RUFY2: variants seen among roughly 807,000 people sequenced by gnomAD.
RUFY2 encodes the protein RUN and FYVE domain containing 2, also known as RUN and FYVE domain-containing protein 2.
A neutral mutation model predicts 94.4 loss-of-function variants in RUFY2; 49 were observed. The ratio of observed to expected loss-of-function variants is 0.52; its 90% CI spans 0.41 to 0.66. The LOEUF is 0.66. RUFY2 is among the 30% of genes least tolerant of loss of function. RUFY2 has a pLI of 0.00. For synonymous variants in RUFY2, 255 were observed against 235.7 expected (o/e 1.08, Z -0.75); for missense variants, 541 against 692.8 (o/e 0.78, Z 2.46).
At chr10:68,381,101 A>G (rs1589905600) in intron 11 of RUFY2, 131 bp downstream of exon 11, 6 of 502,258 alleles carry the variant, frequency 1.2e-5, no homozygotes, top group East Asian at 1.0e-4. Flanking sequence ...TTTCATTTAG[A>G]AAAAAAAAGA....
In RUFY2 at chr10:68,345,845, A is replaced by G; in HGVS notation, c.1744T>C (p.Ser582Pro). The change falls in exon 18 of 18, where the codon TCT (serine) becomes CCT (proline). Residue 582 changes from serine to proline, a missense_variant. Physicochemically the swap from Ser to Pro is moderately conservative, Grantham distance 74. Coordinates refer to ENST00000602465, the MANE Select transcript of RUFY2 (RefSeq NM_001330103.2). ...CAAACCCGTACTGGTTTTGGTGAAG[A>G]AGGCAAAGGTAGTTCGTTGTCAGAG... ...ACSDNELPLP[S>P]SPKPVRVCDS... 1 of 1,614,142 alleles carries G rather than the reference A, an allele frequency of 6.2e-7. No individual in the cohort carries two copies. The highest frequency in any genetic ancestry group is 8.5e-7 in the Non-Finnish European group (1 of 1,179,980).
intron 11 of RUFY2, 63 bp downstream of exon 11, chr10:68,381,169 A>C: frequency 7.1e-7 from 1 of 1,412,568 alleles, no homozygotes. Flanking sequence ...CTTAAAAACC[A>C]AAACCTTTCT....
chr10:68,394,981 T>C (rs892984018), intron 4 of RUFY2, among the ~76,000 whole-genome samples: 13 of 151,358 alleles, frequency 8.6e-5, no homozygotes, highest in African/African-American at 2.9e-4. Context: ...TCAAAAGGAC[T>C]GAAGGAGATA....
chr10:68,341,445 G>C, downstream of RUFY2: 1 of 1,037,796 alleles, frequency 9.6e-7, no homozygotes, highest in Non-Finnish European at 1.4e-6. Context: ...CTTTCTGTGG[G>C]CTTTATATAT....
Position 68,364,036 on chromosome 10 carries a change from T to C in RUFY2, c.1403A>G (p.Asp468Gly), listed in dbSNP as rs2132491754. The change falls in exon 14 of 18, where the codon GAT becomes GGT. Residue 468 changes from aspartate (D) to glycine (G), a missense_variant. This residue lies in a region of RUFY2 where 403 missense variants were observed against 480.7 expected (regional missense o/e 0.84). Transcript: ENST00000602465. ...CTCATTTCTAAGATGAGATAAGGCA[T>C]CTTTCTCCTTTTGAAGATCTTCCTG... ...TLQEDLQKEKDALSHLRNETQ... is the reference protein window; with the variant it reads ...TLQEDLQKEKGALSHLRNETQ... The C allele has an allele frequency of 6.2e-7, 1 of 1,611,542 alleles. No individual in the cohort carries two copies. The highest frequency in any genetic ancestry group is 8.5e-7 in the Non-Finnish European group (1 of 1,177,894).
In RUFY2 at chr10:68,376,821, C is replaced by A. The variant is rs1319482917; in HGVS notation, c.1325+32G>T. The stretch of plus-strand genomic sequence containing the variant: ...AAAAAATGAGGGGGTTATGTTAACA[C>A]AAGTATTTGTTTCTGAGAGTGAAAT... On this transcript the variant is annotated intron_variant, in intron 13 of 17. Transcript: ENST00000602465. 2.5e-6 allele frequency: 4 copies of A among 1,597,710 alleles called. No homozygotes were observed. The East Asian group carries it at 9.0e-5, about 36-fold the overall frequency.
At chr10:68,381,791 T>A (rs1017548308) in intron 10 of RUFY2, among the ~76,000 whole-genome samples, 3 of 152,202 alleles carry the variant, frequency 2.0e-5, no homozygotes, top group Non-Finnish European at 2.9e-5. Flanking sequence ...AAGGTTGCAG[T>A]GAGCTGAAAT....
rs377600173 is a variant in RUFY2, at chr10:68,398,126, C to CAAA, written c.297-1248_297-1246dup. 4.9e-4 allele frequency among the ~76,000 whole-genome samples: 32 copies of CAAA among 65,000 alleles called. 1 individual carries two copies. Among genetic ancestry groups the CAAA allele is most frequent in the African/African-American group, 1.3e-3 (28 of 21,886 alleles). The allele number at this position is 65,000 out of a possible 152,430, so 42.6% of individuals were successfully genotyped here. A position where few individuals can be genotyped will look rare whatever the true frequency, so the allele number is the denominator to read the frequency against. On this transcript the variant is annotated intron_variant, in intron 3 of 17. Transcript: ENST00000602465. ...TGGGCAACAAGGTAAGATTTGTTCT[C>CAAA]AAAAAAAAAAAAAAAAAAAAAAAAT...
In RUFY2 at chr10:68,345,306, T is replaced by C. The variant is rs550671224; in HGVS notation, c.*462A>G. On this transcript the variant is annotated 3_prime_UTR_variant, in exon 18 of 18. Transcript: ENST00000602465. The stretch of plus-strand genomic sequence containing the variant: ...GGGGAGAAGAAAGGGCAAATAAATA[T>C]AGTTGAAATCTTACAAAGATAATGA... 4.9e-5 allele frequency: 13 copies of C among 267,544 alleles called. No individual in the cohort carries two copies. In the South Asian group the frequency reaches 2.2e-3, roughly 46 times the overall value. 16.6% of individuals were successfully genotyped at this position (267,544 alleles called of 1,614,324 possible).
chr10:68,348,989 C>T (rs1472900392), intron 16 of RUFY2, among the ~76,000 whole-genome samples: 1 of 134,664 alleles, frequency 7.4e-6, no homozygotes, highest in Non-Finnish European at 1.7e-5. Flanking sequence ...AGATAGGATA[C>T]TACAGGATTC....
Position 68,391,653 on chromosome 10 carries a change from C to CAA in RUFY2, c.650+1483_650+1484dup, listed in dbSNP as rs1230935983. Among the ~76,000 whole-genome samples, 245 of 28,386 alleles carry CAA rather than the reference C, an allele frequency of 8.6e-3. 3 individuals are homozygous for CAA. The highest frequency in any genetic ancestry group is 0.013 in the African/African-American group (89 of 6,754). The allele number at this position is 28,386 out of a possible 152,430, so 18.6% of individuals were successfully genotyped here. A position where few individuals can be genotyped will look rare whatever the true frequency, so the allele number is the denominator to read the frequency against. ...TGGGCAACAGAGTGAGACCCTGTCT[C>CAA]AAAAAAAAAAAAAAAAAAAAAAAAG... On this transcript the variant is annotated intron_variant, in intron 7 of 17. Transcript: ENST00000602465.
At chr10:68,394,526 C>G in intron 4 of RUFY2, 75 bp from the exon 5 acceptor site, 6 of 1,038,682 alleles carry the variant, frequency 5.8e-6, no homozygotes, top group Non-Finnish European at 8.7e-6. Context: ...TCACCATTAT[C>G]TTCCTAATCT....
At chr10:68,393,257 C>A (rs952900388) in intron 6 of RUFY2, 54 bp from the exon 7 acceptor site, 1 of 865,536 alleles carries the variant, frequency 1.2e-6, no homozygotes, top group African/African-American at 1.8e-5. Context: ...TTATTAAGCA[C>A]AAAAAAATCT....
intron 16 of RUFY2, among the ~76,000 whole-genome samples, chr10:68,355,051 T>C (rs952322376): frequency 6.6e-6 from 1 of 152,152 alleles, no homozygotes; most frequent in African/African-American, 2.4e-5. Context: ...TTCACCATGT[T>C]GGCCAGGCTG....
chr10:68,341,371 T>C, downstream of RUFY2: 1 of 1,522,466 alleles, frequency 6.6e-7, no homozygotes, highest in Non-Finnish European at 8.9e-7. Context: ...AATAAGAGGC[T>C]CTAAGATCTG....
chr10:68,366,669 G>C (rs2047842942), intron 13 of RUFY2, among the ~76,000 whole-genome samples: 1 of 147,948 alleles, frequency 6.8e-6, no homozygotes. Flanking sequence ...TTGAACCTTG[G>C]AGGTAGAGGT....
intron 2 of RUFY2, among the ~76,000 whole-genome samples, chr10:68,404,305 C>A (rs1351385387): frequency 6.6e-6 from 1 of 151,998 alleles, no homozygotes; most frequent in African/African-American, 2.4e-5. Flanking sequence ...TTCAACAATC[C>A]ACTATTTCAA....
intron 7 of RUFY2, among the ~76,000 whole-genome samples, 184 bp from the exon 8 acceptor site, chr10:68,386,312 T>A (rs117045644): frequency 6.6e-6 from 1 of 152,162 alleles, no homozygotes; most frequent in Non-Finnish European, 1.5e-5. Context: ...ATAAAGAGTG[T>A]AGCAAAATAA....
chr10:68,363,958 A>T, intron 14 of RUFY2, 26 bp downstream of exon 14: 2 of 1,515,548 alleles, frequency 1.3e-6, no homozygotes, highest in Non-Finnish European at 1.8e-6. Context: ...TCAAGACAGA[A>T]TTTTTAAAGT....
Sources: allele counts gnomAD v4.1 joint callset (sites outside exome capture counted in the v4.1 genomes callset), GRCh38; gene constraint gnomAD v4.1.1; regional missense constraint gnomAD v4.1.1; transcripts MANE v1.5; gene names NCBI Gene and HGNC (gene_info 2026-07-23, HGNC 2026-07-21).